The following NPAS3 variants were observed in gnomAD, a reference collection of about 807,000 sequenced individuals.
NPAS3 encodes neuronal PAS domain-containing protein 3.
A neutral mutation model predicts 73.1 loss-of-function variants in NPAS3; 14 were observed. That is an observed-to-expected ratio of 0.19 (90% confidence interval 0.13 to 0.30). NPAS3 has a LOEUF of 0.30. Among genes scored for constraint, NPAS3 ranks in the 10% least tolerant of loss-of-function variants. The probability of loss-of-function intolerance (pLI) is 1.00; values close to 1 mark genes in which losing one functional copy is unlikely to be tolerated. For missense variants in NPAS3, 1,096 were observed against 1,250.0 expected (o/e 0.88, Z 1.86); for synonymous variants, 620 against 541.5 (o/e 1.14, Z -2.01).
intron 3 of NPAS3, among the ~76,000 whole-genome samples, chr14:33,308,531 T>TATATATATATAC (rs1349895303): frequency 8.6e-6 from 1 of 116,012 alleles, no homozygotes; most frequent in African/African-American, 4.0e-5. Flanking sequence ...TATATATACA[T>TATATATATATAC]ACACACACAC....
intron 3 of NPAS3, among the ~76,000 whole-genome samples, chr14:33,286,712 T>C (rs1002702957): frequency 1.3e-5 from 2 of 152,200 alleles, no homozygotes; most frequent in Non-Finnish European, 2.9e-5. Context: ...AGTTTTTTTA[T>C]TAGGTAGTCT....
intron 3 of NPAS3, among the ~76,000 whole-genome samples, chr14:33,307,613 T>TGTGTGTGTGTGTGTGTA (rs763634896): frequency 3.4e-4 from 15 of 44,212 alleles, no homozygotes; most frequent in African/African-American, 1.0e-3. Flanking sequence ...GTGTGTGTGT[T>TGTGTGTGTGTGTGTGTA]CGTGTGCGTG....
At chr14:33,639,886 T>C (rs572752343) in intron 5 of NPAS3, among the ~76,000 whole-genome samples, 5 of 152,222 alleles carry the variant, frequency 3.3e-5, no homozygotes, top group African/African-American at 7.2e-5. Context: ...TTTTGTGTTC[T>C]TTCAGCTATA....
chr14:33,061,167 G>A (rs1044536356), intron 2 of NPAS3, among the ~76,000 whole-genome samples: 1 of 152,192 alleles, frequency 6.6e-6, no homozygotes, highest in Non-Finnish European at 1.5e-5. Context: ...GATTCTGCTG[G>A]GGGGAGGATG....
Position 33,776,521 on chromosome 14 carries a change from TAAAAAAAAAAAAAAAAAAA to T in NPAS3, c.1047-1923_1047-1905del, listed in dbSNP as rs552348267. Among the ~76,000 whole-genome samples, 72 of 32,056 alleles carry T rather than the reference TAAAAAAAAAAAAAAAAAAA, an allele frequency of 2.2e-3. 1 individual carries two copies. Among genetic ancestry groups the T allele is most frequent in the South Asian group, 6.5e-3 (4 of 618 alleles). 21.0% of individuals were successfully genotyped at this position (32,056 alleles called of 152,430 possible). ...CTGCTTTTGGCGTTTTTCTTCCTCT[TAAAAAAAAAAAAAAAAAAA>T]AAAAAAAAAAAAAAAAAAAAAGCTT... On this transcript the variant is annotated intron_variant, in intron 8 of 11. Transcript: ENST00000356141.
chr14:33,797,583 T>C lies in NPAS3; in HGVS notation c.1426+2T>C, dbSNP rs148553316. On this transcript the variant is annotated splice_donor_variant, in intron 11 of 11. Coordinates refer to ENST00000356141, the Ensembl canonical transcript of NPAS3. LOFTEE classifies it high-confidence loss of function. ...CTAAAGACACCTCAGGTATTACAGGTATTATTCCTTCTTTTCCATGTTCTT... is the reference window on the plus strand; with the variant it reads ...CTAAAGACACCTCAGGTATTACAGGCATTATTCCTTCTTTTCCATGTTCTT... The C allele has an allele frequency of 1.8e-4, 288 of 1,613,698 alleles. No individual in the cohort carries two copies. The highest frequency in any genetic ancestry group is 2.4e-4 in the Non-Finnish European group (281 of 1,179,824).
At chr14:33,575,819 G>A (rs2056410515) in intron 5 of NPAS3, among the ~76,000 whole-genome samples, 1 of 152,106 alleles carries the variant, frequency 6.6e-6, no homozygotes, top group Non-Finnish European at 1.5e-5. Flanking sequence ...CGTCAAAGTA[G>A]ATAATATAGA....
intron 6 of NPAS3, among the ~76,000 whole-genome samples, chr14:33,716,250 T>C (rs1292512959): frequency 3.9e-5 from 6 of 152,216 alleles, no homozygotes; most frequent in Non-Finnish European, 2.9e-5. Context: ...TGATCAATAA[T>C]TGGAATATGG....
intron 3 of NPAS3, among the ~76,000 whole-genome samples, chr14:33,248,418 T>C (rs1284533804): frequency 1.3e-5 from 2 of 152,232 alleles, no homozygotes; most frequent in Non-Finnish European, 2.9e-5. Flanking sequence ...TATATTTTTA[T>C]TCCAGTGTTC....
At chr14:33,625,822 G>A (rs1272534116) in intron 5 of NPAS3, among the ~76,000 whole-genome samples, 1 of 152,088 alleles carries the variant, frequency 6.6e-6, no homozygotes, top group Non-Finnish European at 1.5e-5. Context: ...AAATGATAAA[G>A]CAATAGGAGA....
intron 2 of NPAS3, among the ~76,000 whole-genome samples, chr14:33,153,566 C>T (rs2044538842): frequency 6.6e-6 from 1 of 151,990 alleles, no homozygotes; most frequent in African/African-American, 2.4e-5. Flanking sequence ...TCTTGGCATC[C>T]CTTAGTCCAG....
At chr14:33,430,572 A>G (rs1423890053) in intron 4 of NPAS3, among the ~76,000 whole-genome samples, 1 of 152,060 alleles carries the variant, frequency 6.6e-6, no homozygotes, top group African/African-American at 2.4e-5. Context: ...TGACAAGACA[A>G]CTGTTCCTCA....
At chr14:33,434,939 G>A (rs1300316317) in intron 4 of NPAS3, among the ~76,000 whole-genome samples, 2 of 152,158 alleles carry the variant, frequency 1.3e-5, no homozygotes, top group Non-Finnish European at 2.9e-5. Context: ...TTTGAGGGGG[G>A]TGTGGTTGGG....
chr14:33,181,850 G>T (rs148713161), intron 2 of NPAS3, among the ~76,000 whole-genome samples: 21 of 152,252 alleles, frequency 1.4e-4, no homozygotes, highest in Non-Finnish European at 2.9e-4. Flanking sequence ...CATGTAAATG[G>T]CAAGCAAACA....
chr14:33,237,429 T>G (rs1382392530), intron 3 of NPAS3, among the ~76,000 whole-genome samples: 2 of 152,134 alleles, frequency 1.3e-5, no homozygotes, highest in East Asian at 3.8e-4. Flanking sequence ...GTTACTTTTT[T>G]TGCCTTATAA....
At chr14:33,554,844 T>G (rs1389385406) in intron 4 of NPAS3, among the ~76,000 whole-genome samples, 2 of 152,226 alleles carry the variant, frequency 1.3e-5, no homozygotes, top group Non-Finnish European at 2.9e-5. Context: ...GCATTAAACA[T>G]TAGTATACCT....
intron 1 of NPAS3, among the ~76,000 whole-genome samples, chr14:33,000,123 A>G (rs114986694): frequency 0.018 from 2,813 of 152,304 alleles, 59 homozygotes; most frequent in African/African-American, 0.048. Context: ...ACAGGATTTA[A>G]TGGTGCCTGG....
At chr14:33,547,188 T>C (rs1277133242) in intron 4 of NPAS3, among the ~76,000 whole-genome samples, 1 of 152,220 alleles carries the variant, frequency 6.6e-6, no homozygotes, top group African/African-American at 2.4e-5. Context: ...CTTTAAGGAC[T>C]CAGTCCTTTA....
At chr14:32,975,413 T>C (rs1179650491) in intron 1 of NPAS3, among the ~76,000 whole-genome samples, 5 of 150,602 alleles carry the variant, frequency 3.3e-5, no homozygotes, top group Non-Finnish European at 7.4e-5. Flanking sequence ...CTTGAACTTC[T>C]GGACTCAAGC....
Sources: gnomAD v4.1 joint callset for allele counts (sites outside exome capture counted in the v4.1 genomes callset) on GRCh38, gnomAD v4.1.1 for gene constraint, MANE v1.5 for transcripts, NCBI Gene and HGNC (gene_info 2026-07-23, HGNC 2026-07-21) for gene names.